Variants in WDR20 observed in about 807,000 individuals in gnomAD.
WDR20 encodes WD repeat domain 20.
A neutral mutation model predicts 38.7 loss-of-function variants in WDR20; 3 were observed. That is an observed-to-expected ratio of 0.08 (90% CI 0.04 to 0.20). WDR20 has a LOEUF of 0.20. Among genes scored for constraint, WDR20 ranks in the 10% least tolerant of loss-of-function variants. The pLI is 1.00. For missense variants in WDR20, 559 were observed against 727.7 expected, an observed-to-expected ratio of 0.77 and a Z score of 2.67; for synonymous variants, 298 against 285.6, an observed-to-expected ratio of 1.04 and a Z score of -0.44.
chr14:102,196,631 A>C (rs2059449090), intron 2 of WDR20, among the ~76,000 whole-genome samples: 1 of 151,946 alleles, frequency 6.6e-6, no homozygotes, highest in South Asian at 2.1e-4. Flanking sequence ...CTTAGAGAAC[A>C]AGAAAGTTTT....
intron 1 of WDR20, among the ~76,000 whole-genome samples, chr14:102,185,745 T>C (rs1334480904): frequency 6.6e-6 from 1 of 151,572 alleles, no homozygotes; most frequent in Admixed American, 6.6e-5. Flanking sequence ...CTTAGCATTT[T>C]GGTCAGCAAA....
intron 1 of WDR20, among the ~76,000 whole-genome samples, chr14:102,160,551 C>T (rs1427580043): frequency 1.3e-5 from 2 of 152,046 alleles, no homozygotes; most frequent in Non-Finnish European, 2.9e-5. Flanking sequence ...TAAAAGAGAG[C>T]TTCACTCTTT....
chr14:102,211,979 ACT>A (rs1347521963), downstream of WDR20, among the ~76,000 whole-genome samples: 4 of 151,826 alleles, frequency 2.6e-5, no homozygotes, highest in Admixed American at 1.3e-4. This position sits in a 1 kb window ranked among gnomAD's most constrained non-coding sequence, Gnocchi z 4.2. Flanking sequence ...CCGACTGGGG[ACT>A]CTCTGATTTC....
rs909282855 is a variant in WDR20, at chr14:102,158,812, C to G, written c.249+18640C>G. On this transcript the variant is annotated intron_variant, in intron 1 of 2. Transcript: ENST00000342702. Reference sequence around the variant, plus strand: ...GAGCTCTGCCCCTGTCTAAAGTCACCTCCCCGACTCGTTCGCTAAATCCCA... The same window carrying G: ...GAGCTCTGCCCCTGTCTAAAGTCACGTCCCCGACTCGTTCGCTAAATCCCA... Among the ~76,000 whole-genome samples the G allele has an allele frequency of 4.6e-5, 7 of 152,266 alleles. No homozygotes were observed. The East Asian group carries it at 9.6e-4, about 21-fold the overall frequency.
intron 1 of WDR20, among the ~76,000 whole-genome samples, chr14:102,172,495 C>A (rs1432065335): frequency 1.3e-5 from 2 of 150,248 alleles, no homozygotes; most frequent in South Asian, 2.1e-4. Context: ...CGGGCAGAGG[C>A]GCCCCTCACC....
chr14:102,166,770 T>A (rs747417723), intron 1 of WDR20, among the ~76,000 whole-genome samples: 12 of 152,344 alleles, frequency 7.9e-5, no homozygotes, highest in Middle Eastern at 3.4e-3. Flanking sequence ...TTGTCACTCA[T>A]GAGACTGTCT....
rs1455482832 is a variant in WDR20, at chr14:102,220,545, C to T, written c.1693-2285C>T. 6.6e-6 allele frequency among the ~76,000 whole-genome samples: 1 copy of T among 151,866 alleles called. No homozygotes were observed. Among genetic ancestry groups the T allele is most frequent in the Non-Finnish European group, 1.5e-5 (1 of 67,958 alleles). ...TTCAAGACCATCCTAACAGTGAAAC[C>T]CCATCTCTACTAAAACTACAAAAAG... On this transcript the variant is annotated intron_variant, in intron 3 of 3. Transcript: ENST00000335263. This position sits in a 1 kb window ranked among gnomAD's most constrained non-coding sequence, Gnocchi z 4.2.
chr14:102,203,468 G>A (rs984214771), intron 2 of WDR20, among the ~76,000 whole-genome samples: 1 of 152,066 alleles, frequency 6.6e-6, no homozygotes, highest in South Asian at 2.1e-4. Flanking sequence ...GAGTGCAAGC[G>A]TCAGGGTCCC....
At chr14:102,159,975 C>A (rs1286240065) in intron 1 of WDR20, among the ~76,000 whole-genome samples, 1 of 152,010 alleles carries the variant, frequency 6.6e-6, no homozygotes, top group Non-Finnish European at 1.5e-5. Context: ...CATGGTGGTA[C>A]ACATCTGTAG....
rs2063916704 is a variant in WDR20 at position 102,221,686 on chromosome 14, C to CG, written c.1693-1141dup. 6.6e-6 allele frequency among the ~76,000 whole-genome samples: 1 copy of CG among 152,148 alleles called. No individual in the cohort carries two copies. Among genetic ancestry groups the CG allele is most frequent in the Non-Finnish European group, 1.5e-5 (1 of 68,016 alleles). On this transcript the variant is annotated intron_variant, in intron 3 of 3. Coordinates refer to the WDR20 transcript ENST00000335263. This position sits in a 1 kb window ranked among gnomAD's most constrained non-coding sequence, Gnocchi z 4.8. Reference sequence around the variant, plus strand: ...AAGAAACGGGATGAAATGACTTGAGCGGGACAGCTTGCTTCCAGGCTTCCG... The same window carrying CG: ...AAGAAACGGGATGAAATGACTTGAGCGGGGACAGCTTGCTTCCAGGCTTCCG...
chr14:102,193,416 C>T, intron 1 of WDR20: 1 of 1,589,218 alleles, frequency 6.3e-7, no homozygotes, highest in Non-Finnish European at 8.6e-7. Context: ...TTGTATTACA[C>T]TTTTCAAGGC....
At chr14:102,139,656 G>C (rs1217776399), upstream of WDR20, 26 of 647,806 alleles carry the variant, frequency 4.0e-5, 1 homozygote, top group Admixed American at 5.9e-4. Flanking sequence ...CATCACCTGG[G>C]AAGCAGCCAT....
intron 1 of WDR20, among the ~76,000 whole-genome samples, chr14:102,172,076 T>C (rs1392783494): frequency 6.6e-6 from 1 of 151,576 alleles, no homozygotes; most frequent in Non-Finnish European, 1.5e-5. Flanking sequence ...TTTGTGTCCC[T>C]GGGTACTTGA....
intron 1 of WDR20, among the ~76,000 whole-genome samples, chr14:102,150,199 A>G (rs2055277258): frequency 6.6e-6 from 1 of 152,182 alleles, no homozygotes; most frequent in Admixed American, 6.5e-5. Flanking sequence ...CAGGCCTGGC[A>G]TAGGATTACA....
chr14:102,148,703 G>T (rs183742895), intron 1 of WDR20, among the ~76,000 whole-genome samples: 193 of 122,578 alleles, frequency 1.6e-3, no homozygotes, highest in African/African-American at 5.2e-3. Flanking sequence ...GTGTGTGTGT[G>T]TGTGTTTGGA....
intron 1 of WDR20, among the ~76,000 whole-genome samples, chr14:102,153,601 C>T (rs1024011935): frequency 2.6e-5 from 4 of 152,094 alleles, no homozygotes; most frequent in Non-Finnish European, 5.9e-5. Context: ...CCACCGCGCC[C>T]GGCCACCTCT....
downstream of WDR20, among the ~76,000 whole-genome samples, chr14:102,211,722 G>A (rs114611748): frequency 4.6e-3 from 704 of 152,350 alleles, 6 homozygotes; most frequent in African/African-American, 0.016. The surrounding 1 kb of genome is among the most constrained non-coding windows in gnomAD (Gnocchi z 4.2). Context: ...GTCATGTGGA[G>A]AGATTAGTGA....
chr14:102,176,814 A>C (rs552540749), intron 1 of WDR20, among the ~76,000 whole-genome samples: 5 of 151,886 alleles, frequency 3.3e-5, no homozygotes. Context: ...GCTTATTGCA[A>C]GCTCCGCCTC....
chr14:102,212,729 T>TA, downstream of WDR20: 1 of 1,453,600 alleles, frequency 6.9e-7, no homozygotes, highest in Non-Finnish European at 9.1e-7. Context: ...ATCAGGTGTG[T>TA]AAGGTGCAAT....
Sources: gnomAD v4.1 joint callset for allele counts (sites outside exome capture counted in the v4.1 genomes callset) on GRCh38, gnomAD v4.1.1 for gene constraint, Gnocchi (gnomAD v3.1) non-coding constraint, MANE v1.5 for transcripts, NCBI Gene and HGNC (gene_info 2026-07-23, HGNC 2026-07-21) for gene names.